The following RIPK4 variants were observed in gnomAD, a reference collection of about 807,000 sequenced individuals.
RIPK4 encodes receptor interacting serine/threonine kinase 4, also known as receptor-interacting serine/threonine-protein kinase 4.
In RIPK4, 17 loss-of-function variants were observed where a neutral mutation model predicts 42.9. The ratio of observed to expected loss-of-function variants is 0.40; its 90% confidence interval spans 0.27 to 0.59. RIPK4 has a LOEUF of 0.59. RIPK4 is among the 20% of genes least tolerant of loss of function. The probability of loss-of-function intolerance (pLI) is 0.47; values close to 1 mark genes in which losing one functional copy is unlikely to be tolerated. For synonymous variants in RIPK4, 498 were observed against 499.1 expected, an observed-to-expected ratio of 1.00 and a Z score of 0.03; for missense variants, 897 against 1,104.4, an observed-to-expected ratio of 0.81 and a Z score of 2.66.
At chr21:41,743,536 C>A (rs747228649) in intron 7 of RIPK4, among the ~76,000 whole-genome samples, 23 of 152,198 alleles carry the variant, frequency 1.5e-4, no homozygotes, top group Non-Finnish European at 2.5e-4. Context: ...ACGCCCGAGA[C>A]AGGAGGCCCG....
chr21:41,760,985 G>T (rs2061218736), intron 1 of RIPK4, among the ~76,000 whole-genome samples: 1 of 152,186 alleles, frequency 6.6e-6, no homozygotes, highest in Non-Finnish European at 1.5e-5. Flanking sequence ...GGGTCCCTGG[G>T]CTGAGCTGAA....
chr21:41,740,612 G>T lies in RIPK4; in HGVS notation c.*226C>A, dbSNP rs1429374455. 1.8e-6 allele frequency: 1 copy of T among 555,828 alleles called. No individual in the cohort carries two copies. Among genetic ancestry groups the T allele is most frequent in the African/African-American group, 1.9e-5 (1 of 52,486 alleles). 34.4% of individuals were successfully genotyped at this position (555,828 alleles called of 1,614,324 possible). On this transcript the variant is annotated 3_prime_UTR_variant, in exon 8 of 8. Transcript: ENST00000332512. ...TGACCCACGGTCCCTTCAGACAGCA[G>T]GTGCCTAGATCGATGATGGAGCGGG... is the stretch of plus-strand genomic sequence containing the variant.
chr21:41,764,877 G>A (rs1307526223), intron 1 of RIPK4, among the ~76,000 whole-genome samples: 1 of 152,242 alleles, frequency 6.6e-6, no homozygotes, highest in African/African-American at 2.4e-5. Flanking sequence ...AGCACAGGAG[G>A]TGAAATGCTT....
intron 1 of RIPK4, 118 bp downstream of exon 1, chr21:41,766,742 C>A (rs371272081): frequency 1.9e-5 from 21 of 1,119,806 alleles, no homozygotes; most frequent in South Asian, 4.7e-5. Context: ...GGTTTCCCCC[C>A]CGAAGCTGCT....
At chr21:41,756,469 C>T (rs2061203647) in intron 2 of RIPK4, 56 bp downstream of exon 2, 3 of 1,573,598 alleles carry the variant, frequency 1.9e-6, no homozygotes, top group Non-Finnish European at 2.6e-6. Flanking sequence ...ATACCCTGCT[C>T]CCCAAGACAC....
rs113664159 is a variant in RIPK4 at position 41,748,978 on chromosome 21, T to C, written c.673+176A>G. Among the ~76,000 whole-genome samples, 8 of 152,358 alleles carry C rather than the reference T, an allele frequency of 5.3e-5. No individual in the cohort carries two copies. In the East Asian group the frequency reaches 5.8e-4, roughly 11 times the overall value. ...CTAGCTGGCACCTAAAAACATTCCA[T>C]TGAACAGGCCCCTTCAGATCTGTGT... On this transcript the variant is annotated intron_variant, in intron 4 of 7. Transcript: ENST00000332512.
chr21:41,744,272 C>T, intron 6 of RIPK4, 132 bp from the exon 7 acceptor site: 1 of 838,530 alleles, frequency 1.2e-6, no homozygotes, highest in South Asian at 1.8e-5. Context: ...ACCCTGGAAG[C>T]AATGCAGATA....
In RIPK4 at chr21:41,766,864, C is replaced by A; in HGVS notation, c.178G>T (p.Asp60Tyr). The change falls in exon 1 of 8, where the codon GAC becomes TAC. Residue 60 changes from aspartate to tyrosine, a missense_variant. Asp to Tyr is a radical substitution (Grantham distance 160, BLOSUM62 -3). Coordinates refer to ENST00000332512, the MANE Select transcript of RIPK4 (RefSeq NM_020639.3). ...CGCCCCGCCCGGGCCGCTCACCTGT[C>A]GTCGACGTGCAGGCTGGGCGAGCAC... Reference protein sequence around the residue: ...IKCSPSLHVDDRERMELLEEA... With the variant: ...IKCSPSLHVDYRERMELLEEA... 1 of 1,608,264 alleles carries A rather than the reference C, an allele frequency of 6.2e-7. No individual in the cohort carries two copies. Among genetic ancestry groups the A allele is most frequent in the Non-Finnish European group, 8.5e-7 (1 of 1,177,812 alleles).
At chr21:41,756,160 A>G (rs56165021) in intron 2 of RIPK4, among the ~76,000 whole-genome samples, 54,313 of 152,044 alleles carry the variant, frequency 0.36, 11,417 homozygotes, top group Non-Finnish European at 0.49. Context: ...TGCAGAGCCT[A>G]AGGTCTCGCA....
At chr21:41,753,648 C>T (rs1184246083) in intron 2 of RIPK4, among the ~76,000 whole-genome samples, 2 of 152,188 alleles carry the variant, frequency 1.3e-5, no homozygotes, top group African/African-American at 4.8e-5. Context: ...GTTACAAACA[C>T]TCTCATCAGC....
chr21:41,749,294 T>C (rs962373814), intron 3 of RIPK4, 91 bp from the exon 4 acceptor site: 161 of 1,234,998 alleles, frequency 1.3e-4, no homozygotes, highest in Non-Finnish European at 1.2e-4. Flanking sequence ...AAGACACCTG[T>C]TCTGAAGCCT....
rs887057389 is a variant in RIPK4 at position 41,755,018 on chromosome 21, C to T, written c.474+1507G>A. Among the ~76,000 whole-genome samples the T allele has an allele frequency of 3.3e-5, 5 of 152,194 alleles. No homozygotes were observed. The highest frequency in any genetic ancestry group is 3.8e-4 in the East Asian group (2 of 5,198). ...GGTGAAGCCTCTAGCATGTCCTTTC[C>T]GGTATTCAGTGCACGTTGGACGGCA... On this transcript the variant is annotated intron_variant, in intron 2 of 7. Coordinates refer to ENST00000332512, the MANE Select transcript of RIPK4 (RefSeq NM_020639.3). The surrounding 1 kb of genome is among the most constrained non-coding windows in gnomAD (Gnocchi z 4.2).
chr21:41,753,087 T>A (rs1189731658), intron 2 of RIPK4, among the ~76,000 whole-genome samples: 1 of 152,108 alleles, frequency 6.6e-6, no homozygotes, highest in Admixed American at 6.5e-5. Flanking sequence ...GAAAAAAATA[T>A]CTCCCTCCCA....
chr21:41,746,183 T>G lies in RIPK4; in HGVS notation c.833-321A>C, dbSNP rs1248395664. On this transcript the variant is annotated intron_variant, in intron 5 of 7. Transcript: ENST00000332512. ...ATTCAGCCCGTTTCCTGCCGTAAGC[T>G]TTAAATGCAGCAGTTTCCATCTCAT... The G allele has an allele frequency of 4.7e-6, 3 of 635,124 alleles. No individual in the cohort carries two copies. The African/African-American group carries it at 5.4e-5, about 11-fold the overall frequency. 39.3% of individuals were successfully genotyped at this position (635,124 alleles called of 1,614,324 possible).
Position 41,741,645 on chromosome 21 carries a change from G to A in RIPK4, c.1548C>T (p.Asp516=), listed in dbSNP as rs2838113. The A allele has an allele frequency of 0.61, 985,185 of 1,613,212 alleles. 305,174 individuals are homozygous for A. The highest frequency in any genetic ancestry group is 0.64 in the Middle Eastern group (3,883 of 6,062). Residue 516 remains aspartate (D), a synonymous_variant, in exon 8 of 8, where the codon GAC becomes GAT. Coordinates refer to ENST00000332512, the MANE Select transcript of RIPK4 (RefSeq NM_020639.3). Reference sequence around the variant, plus strand: ...CCAACAGCAGCCGTGTGCTAGACTCGTCCCCGTTCTGGGCTGCAAAGTGGA... The same window carrying A: ...CCAACAGCAGCCGTGTGCTAGACTCATCCCCGTTCTGGGCTGCAAAGTGGA... ...TALHFAAQNG[D]ESSTRLLLEK... is the part of the protein sequence containing the mutation.
At chr21:41,759,878 T>A (rs1045640716) in intron 1 of RIPK4, among the ~76,000 whole-genome samples, 1 of 152,154 alleles carries the variant, frequency 6.6e-6, no homozygotes, top group Non-Finnish European at 1.5e-5. Flanking sequence ...CTGTGGAAAT[T>A]CCCATACATC....
At chr21:41,754,768 G>A (rs139560894) in intron 2 of RIPK4, among the ~76,000 whole-genome samples, 6 of 151,812 alleles carry the variant, frequency 4.0e-5, no homozygotes, top group Non-Finnish European at 5.9e-5. Flanking sequence ...CCCAGCCTGC[G>A]GGCCACACAC....
At position 41,745,796 on chromosome 21, in the gene RIPK4, T is replaced by A. The variant is rs1479686520; in HGVS notation, c.899A>T (p.Asp300Val). ...PDDEVKETAH[D>V]LDVKSPPEPR... ...CTCCGGGGGGCTTTTCACGTCCAGA[T>A]CATGAGCAGTTTCTTTCACTTCGTC... The change falls in exon 6 of 8, where the codon GAT becomes GTT. Residue 300 changes from aspartate to valine, a missense_variant. Physicochemically the swap from Asp to Val is radical, Grantham distance 152. Coordinates refer to ENST00000332512, the MANE Select transcript of RIPK4 (RefSeq NM_020639.3). 1.3e-5 allele frequency: 21 copies of A among 1,614,102 alleles called. No individual in the cohort carries two copies. Among genetic ancestry groups the A allele is most frequent in the Middle Eastern group, 3.3e-4 (2 of 6,084 alleles).
chr21:41,740,163 A>G lies in RIPK4; in HGVS notation c.*675T>C, dbSNP rs2061148010. The G allele has an allele frequency of 6.6e-6, 1 of 152,224 alleles. No individual in the cohort carries two copies. Among genetic ancestry groups the G allele is most frequent in the Non-Finnish European group, 1.5e-5 (1 of 68,050 alleles). 9.4% of individuals were successfully genotyped at this position (152,224 alleles called of 1,614,324 possible). On this transcript the variant is annotated 3_prime_UTR_variant, in exon 8 of 8. Coordinates refer to ENST00000332512, the MANE Select transcript of RIPK4 (RefSeq NM_020639.3). Reference sequence around the variant, plus strand: ...GTGGTTGTCCACAAGGACTCACCCAAGTAATAGACTGGAATGGTTAAGAGC... The same window carrying G: ...GTGGTTGTCCACAAGGACTCACCCAGGTAATAGACTGGAATGGTTAAGAGC...
Sources: gnomAD v4.1 joint callset for allele counts (sites outside exome capture counted in the v4.1 genomes callset) on GRCh38, gnomAD v4.1.1 for gene constraint, Gnocchi (gnomAD v3.1) non-coding constraint, MANE v1.5 for transcripts, NCBI Gene and HGNC (gene_info 2026-07-23, HGNC 2026-07-21) for gene names.